SPAG16: variants seen among roughly 807,000 people sequenced by gnomAD.
SPAG16 encodes the protein sperm-associated antigen 16 protein.
In SPAG16, 86 loss-of-function variants were observed where a neutral mutation model predicts 80.4. That is an observed-to-expected ratio of 1.07 (90% CI 0.90 to 1.28). The LOEUF is 1.28. Among genes scored for constraint, SPAG16 ranks in the 50% most tolerant of loss-of-function variants. The pLI, the probability that SPAG16 is intolerant of heterozygous loss-of-function variation, is 0.00. For missense variants in SPAG16, 870 were observed against 765.3 expected (o/e 1.14, Z -1.61); for synonymous variants, 294 against 265.9 (o/e 1.11, Z -1.03).
At chr2:214,025,975 G>T (rs1413345951) in intron 13 of SPAG16, among the ~76,000 whole-genome samples, 1 of 151,382 alleles carries the variant, frequency 6.6e-6, no homozygotes, top group East Asian at 1.9e-4. Flanking sequence ...CAGCATCCAA[G>T]AAATATTCTT....
At chr2:213,548,411 C>T (rs1432164698) in intron 10 of SPAG16, among the ~76,000 whole-genome samples, 4 of 152,132 alleles carry the variant, frequency 2.6e-5, no homozygotes, top group Admixed American at 1.3e-4. Flanking sequence ...CGGGGTTTCA[C>T]CATGTTGGCC....
At chr2:213,652,071 G>C (rs2063044253) in intron 10 of SPAG16, among the ~76,000 whole-genome samples, 2 of 152,064 alleles carry the variant, frequency 1.3e-5, no homozygotes, top group Admixed American at 1.3e-4. Flanking sequence ...ATATTTTATA[G>C]TAATTAAAAG....
At chr2:213,466,264 G>T (rs2072690141) in intron 9 of SPAG16, among the ~76,000 whole-genome samples, 1 of 152,120 alleles carries the variant, frequency 6.6e-6, no homozygotes, top group African/African-American at 2.4e-5. Flanking sequence ...TATCCTATTA[G>T]TTCTGTCCCT....
rs182384135 is a variant in SPAG16 at position 213,879,301 on chromosome 2, C to T, written c.1214+16673C>T. Among the ~76,000 whole-genome samples, 966 of 151,176 alleles carry T rather than the reference C, an allele frequency of 6.4e-3. 9 individuals are homozygous for T. The highest frequency in any genetic ancestry group is 7.8e-3 in the Non-Finnish European group (530 of 67,678). On this transcript the variant is annotated intron_variant, in intron 11 of 15. Transcript: ENST00000331683. The stretch of plus-strand genomic sequence containing the variant: ...CGCATGAGATGGTTTTCCATTTGCC[C>T]GTGTTATCTATAATTTCTTTCATCG...
At chr2:214,272,849 T>C (rs1217526243) in intron 15 of SPAG16, among the ~76,000 whole-genome samples, 2 of 123,096 alleles carry the variant, frequency 1.6e-5, no homozygotes, top group Non-Finnish European at 4.1e-5. Flanking sequence ...TAGTTCTAGA[T>C]CCCTGAGGAA....
chr2:213,811,480 T>C (rs111258122), intron 10 of SPAG16, among the ~76,000 whole-genome samples: 7,139 of 152,228 alleles, frequency 0.047, 201 homozygotes, highest in East Asian at 0.084. Context: ...GCTGGCAGGA[T>C]GGTGAGGAGA....
At chr2:214,046,508 A>T (rs1376768745) in intron 13 of SPAG16, among the ~76,000 whole-genome samples, 1 of 152,194 alleles carries the variant, frequency 6.6e-6, no homozygotes, top group Non-Finnish European at 1.5e-5. Flanking sequence ...CCTCATGAAC[A>T]AGTAGGATTT....
chr2:214,184,545 C>T (rs1398269805), intron 15 of SPAG16, among the ~76,000 whole-genome samples: 4 of 151,996 alleles, frequency 2.6e-5, no homozygotes, highest in East Asian at 1.9e-4. Context: ...AACTGTGGTA[C>T]GTTATGAGGC....
intron 6 of SPAG16, among the ~76,000 whole-genome samples, chr2:213,347,623 C>T (rs2065072949): frequency 6.6e-6 from 1 of 152,174 alleles, no homozygotes. Context: ...ATCTTTATTT[C>T]TGCCTTCATT....
chr2:213,929,002 T>TA (rs2078629344), intron 11 of SPAG16, among the ~76,000 whole-genome samples: 1 of 2,450 alleles, frequency 4.1e-4, no homozygotes, highest in Non-Finnish European at 1.7e-3. Flanking sequence ...TTTCTTTTCT[T>TA]TTTTTTTTTT....
intron 15 of SPAG16, among the ~76,000 whole-genome samples, chr2:214,385,396 G>A (rs182272953): frequency 1.1e-4 from 16 of 152,276 alleles, no homozygotes; most frequent in Non-Finnish European, 1.5e-4. Context: ...TAAACCACAT[G>A]CAATCTCTAT....
At chr2:214,003,324 C>G (rs565240792) in intron 12 of SPAG16, among the ~76,000 whole-genome samples, 58 of 152,282 alleles carry the variant, frequency 3.8e-4, no homozygotes, top group African/African-American at 1.3e-3. Flanking sequence ...AAGATAATTT[C>G]TATACAATGT....
At chr2:213,692,430 A>C (rs1299048967) in intron 10 of SPAG16, among the ~76,000 whole-genome samples, 2 of 152,198 alleles carry the variant, frequency 1.3e-5, no homozygotes, top group Middle Eastern at 3.2e-3. Flanking sequence ...AAAAGCAGAG[A>C]GAGAGCCACT....
intron 10 of SPAG16, among the ~76,000 whole-genome samples, chr2:213,494,114 C>T (rs977155193): frequency 6.6e-6 from 1 of 152,168 alleles, no homozygotes; most frequent in African/African-American, 2.4e-5. Flanking sequence ...CTCCCAGGCT[C>T]ATATCCTTCT....
At chr2:213,630,274 C>T (rs2062098810) in intron 10 of SPAG16, among the ~76,000 whole-genome samples, 1 of 151,966 alleles carries the variant, frequency 6.6e-6, no homozygotes, top group South Asian at 2.1e-4. Context: ...ATCCGAGCTA[C>T]TCGGGAGGCT....
At chr2:214,403,503 G>A (rs1416464148) in intron 15 of SPAG16, among the ~76,000 whole-genome samples, 1 of 151,950 alleles carries the variant, frequency 6.6e-6, no homozygotes, top group Non-Finnish European at 1.5e-5. Flanking sequence ...GAAACCTGGT[G>A]AGCATTTTAC....
At chr2:213,873,395 A>AT (rs890600226) in intron 11 of SPAG16, among the ~76,000 whole-genome samples, 3 of 151,570 alleles carry the variant, frequency 2.0e-5, no homozygotes, top group Non-Finnish European at 4.4e-5. Flanking sequence ...AGTCCTCTCT[A>AT]TTTTTTTGTT....
chr2:213,685,674 A>G (rs986506773), intron 10 of SPAG16, among the ~76,000 whole-genome samples: 1 of 152,250 alleles, frequency 6.6e-6, no homozygotes, highest in African/African-American at 2.4e-5. Flanking sequence ...GGGACAAGAC[A>G]ATAGGTCCTG....
intron 9 of SPAG16, among the ~76,000 whole-genome samples, chr2:213,420,024 A>G (rs1038218772): frequency 6.7e-6 from 1 of 148,390 alleles, no homozygotes; most frequent in East Asian, 1.9e-4. Context: ...TATATACAAG[A>G]TATTTTTTTA....
Sources: allele counts gnomAD v4.1 joint callset (sites outside exome capture counted in the v4.1 genomes callset), GRCh38; gene constraint gnomAD v4.1.1; transcripts MANE v1.5; gene names NCBI Gene and HGNC (gene_info 2026-07-23, HGNC 2026-07-21).